IGF2BP1: variants seen among roughly 807,000 people sequenced by gnomAD.
The protein encoded by IGF2BP1 is insulin-like growth factor 2 mRNA-binding protein 1.
IGF2BP1 carries 11 observed loss-of-function variants against 74.9 expected under a neutral mutation model. That is an observed-to-expected ratio of 0.15 (90% CI 0.09 to 0.24). The LOEUF (loss-of-function observed/expected upper bound fraction) is 0.24. IGF2BP1 is among the 10% of genes least tolerant of loss of function. IGF2BP1 has a pLI of 1.00. For missense variants in IGF2BP1, 440 were observed against 757.4 expected, an observed-to-expected ratio of 0.58 and a Z score of 4.92; for synonymous variants, 287 against 281.8, an observed-to-expected ratio of 1.02 and a Z score of -0.18.
chr17:49,012,933 T>C (rs2041639101), intron 2 of IGF2BP1: 1 of 152,082 alleles, frequency 6.6e-6, no homozygotes, highest in African/African-American at 2.4e-5. Context: ...GGAACCCAGT[T>C]ACGTTTTTTT....
rs776859250 is a variant in IGF2BP1, at chr17:48,997,723, C to A, written c.-23C>A. 1.2e-6 allele frequency: 2 copies of A among 1,607,358 alleles called. No homozygotes were observed. Among genetic ancestry groups the A allele is most frequent in the East Asian group, 2.2e-5 (1 of 44,632 alleles). Reference sequence around the variant, plus strand: ...GCTCGTTCGGCCTTGCCCGGGACCGCGTCCTGCCCCGAGACCGCCACCATG... The same window carrying A: ...GCTCGTTCGGCCTTGCCCGGGACCGAGTCCTGCCCCGAGACCGCCACCATG... On this transcript the variant is annotated 5_prime_UTR_variant, in exon 1 of 15. Transcript: ENST00000290341. This position sits in a 1 kb window ranked among gnomAD's most constrained non-coding sequence, Gnocchi z 4.8.
At position 49,007,910 on chromosome 17, in the gene IGF2BP1, G is replaced by A. The variant is rs1478655880; in HGVS notation, c.236+8741G>A. 2.6e-5 allele frequency among the ~76,000 whole-genome samples: 4 copies of A among 152,166 alleles called. No individual in the cohort carries two copies. In the East Asian group the frequency reaches 5.8e-4, roughly 22 times the overall value. ...GGGCAGGCCAGGCGCAGTGGCTCAC[G>A]CCTGTAATCCCAGCACTTTGGGAGG... On this transcript the variant is annotated intron_variant, in intron 2 of 14. Transcript: ENST00000290341.
intron 5 of IGF2BP1, among the ~76,000 whole-genome samples, chr17:49,035,942 G>C (rs1051070741): frequency 3.3e-5 from 5 of 152,220 alleles, no homozygotes; most frequent in African/African-American, 9.6e-5. Context: ...CACTAGGCGG[G>C]AGTGGAGGCC....
chr17:48,997,587 C>T lies in IGF2BP1; in HGVS notation c.-159C>T, dbSNP rs934072280. Reference sequence around the variant, plus strand: ...CGACCTCTGCGCGCCCTCAGGCCGCCTTCCCCGCCCTGGGCTCGGGACAAC... The same window carrying T: ...CGACCTCTGCGCGCCCTCAGGCCGCTTTCCCCGCCCTGGGCTCGGGACAAC... On this transcript the variant is annotated 5_prime_UTR_variant, in exon 1 of 15. Coordinates refer to ENST00000290341, the MANE Select transcript of IGF2BP1 (RefSeq NM_006546.4). This position sits in a 1 kb window ranked among gnomAD's most constrained non-coding sequence, Gnocchi z 4.8. 44 of 756,308 alleles carry T rather than the reference C, an allele frequency of 5.8e-5. No homozygotes were observed. Among genetic ancestry groups the T allele is most frequent in the Non-Finnish European group, 4.8e-5 (23 of 479,694 alleles). 46.8% of individuals were successfully genotyped at this position (756,308 alleles called of 1,614,324 possible). A position where few individuals can be genotyped will look rare whatever the true frequency, so the allele number is the denominator to read the frequency against.
intron 4 of IGF2BP1, among the ~76,000 whole-genome samples, 194 bp downstream of exon 4, chr17:49,026,711 GCCTT>G (rs1360544757): frequency 1.5e-5 from 2 of 136,870 alleles, no homozygotes; most frequent in Non-Finnish European, 3.2e-5. Context: ...CTGCCTTCCT[GCCTT>G]CCTGCCTGCC....
At chr17:49,044,137 T>A in intron 11 of IGF2BP1, 51 bp downstream of exon 11, 1 of 1,600,256 alleles carries the variant, frequency 6.2e-7, no homozygotes, top group Non-Finnish European at 8.5e-7. Flanking sequence ...GGGTCTCTGC[T>A]TTTATCACTC....
chr17:49,034,714 G>C (rs764154991), intron 5 of IGF2BP1, among the ~76,000 whole-genome samples: 1 of 147,904 alleles, frequency 6.8e-6, no homozygotes. Context: ...TCTGGCCTGG[G>C]TAACAGAGTA....
chr17:49,012,979 C>T (rs1470326572), intron 2 of IGF2BP1: 1 of 152,138 alleles, frequency 6.6e-6, no homozygotes, highest in East Asian at 1.9e-4. Context: ...AGTGTAGTGA[C>T]ATTTGCTGGC....
chr17:49,043,073 C>A (rs1371952682), intron 9 of IGF2BP1, among the ~76,000 whole-genome samples: 2 of 152,162 alleles, frequency 1.3e-5, no homozygotes, highest in African/African-American at 4.8e-5. Context: ...AGCTCTGTCT[C>A]CACGCCTTTT....
chr17:49,027,213 C>A (rs1339848306), intron 4 of IGF2BP1, among the ~76,000 whole-genome samples: 1 of 152,192 alleles, frequency 6.6e-6, no homozygotes, highest in East Asian at 1.9e-4. Flanking sequence ...GAGGCTTGAA[C>A]AAAGCCACTC....
intron 12 of IGF2BP1, among the ~76,000 whole-genome samples, 178 bp from the exon 13 acceptor site, chr17:49,045,712 G>A (rs1598160004): frequency 6.6e-6 from 1 of 152,230 alleles, no homozygotes; most frequent in South Asian, 2.1e-4. Context: ...CTAAGCAGAA[G>A]GAATGCTGAC....
intron 4 of IGF2BP1, among the ~76,000 whole-genome samples, chr17:49,027,619 G>A (rs1013628338): frequency 2.6e-5 from 4 of 151,350 alleles, no homozygotes; most frequent in Admixed American, 2.0e-4. Context: ...TTGGGAGGCC[G>A]AGGCAGGCGG....
rs1053775138 is a variant in IGF2BP1 at position 49,051,349 on chromosome 17, C to G, written c.*1905C>G. 6.6e-6 allele frequency: 1 copy of G among 152,654 alleles called. No homozygotes were observed. Among genetic ancestry groups the G allele is most frequent in the African/African-American group, 2.4e-5 (1 of 41,428 alleles). 9.5% of individuals were successfully genotyped at this position (152,654 alleles called of 1,614,324 possible). On this transcript the variant is annotated 3_prime_UTR_variant, in exon 15 of 15. Transcript: ENST00000290341. ...TGGAGAACAGGCCTGGTGGGAAAGG[C>G]TTTGGGGGCTGCCCCCTTAGGAGGA...
At chr17:49,019,054 C>T (rs946414890) in intron 2 of IGF2BP1, among the ~76,000 whole-genome samples, 1 of 152,120 alleles carries the variant, frequency 6.6e-6, no homozygotes, top group East Asian at 1.9e-4. Context: ...ACTGGCTTGC[C>T]CCACCCCAGT....
At chr17:49,017,474 A>G (rs890925430) in intron 2 of IGF2BP1, among the ~76,000 whole-genome samples, 8 of 152,198 alleles carry the variant, frequency 5.3e-5, no homozygotes, top group Non-Finnish European at 1.2e-4. Flanking sequence ...AATTTTAAAG[A>G]TAGTTAACCC....
intron 2 of IGF2BP1, among the ~76,000 whole-genome samples, chr17:49,011,855 C>A (rs2143966006): frequency 6.6e-6 from 1 of 151,770 alleles, no homozygotes; most frequent in Non-Finnish European, 1.5e-5. Flanking sequence ...TTGTATTTTC[C>A]TATCGCCGTT....
chr17:49,041,282 G>A, intron 7 of IGF2BP1, 96 bp from the exon 8 acceptor site: 1 of 1,393,948 alleles, frequency 7.2e-7, no homozygotes. Context: ...GTTTTACTTG[G>A]AAATGCCAAG....
At chr17:49,041,343 C>G in intron 7 of IGF2BP1, 35 bp from the exon 8 acceptor site, 1 of 1,611,774 alleles carries the variant, frequency 6.2e-7, no homozygotes. Context: ...ATTGAAGGAA[C>G]TCTTGTCTTC....
At chr17:49,039,126 T>A (rs757421176) in intron 6 of IGF2BP1, among the ~76,000 whole-genome samples, 8 of 152,174 alleles carry the variant, frequency 5.3e-5, no homozygotes, top group African/African-American at 1.2e-4. Context: ...TCCGGCCGCC[T>A]CAGCCTCCCA....
Sources: gnomAD v4.1 joint callset for allele counts (sites outside exome capture counted in the v4.1 genomes callset) on GRCh38, gnomAD v4.1.1 for gene constraint, Gnocchi (gnomAD v3.1) non-coding constraint, MANE v1.5 for transcripts, NCBI Gene and HGNC (gene_info 2026-07-23, HGNC 2026-07-21) for gene names.